Variants in TM4SF4 observed in about 807,000 individuals in gnomAD.
TM4SF4 encodes transmembrane 4 L6 family member 4.
Under a neutral mutation model 24.1 loss-of-function variants are expected in TM4SF4, and 24 were observed. The observed-to-expected ratio is 1.00, with a 90% confidence interval of 0.72 to 1.40. The LOEUF (loss-of-function observed/expected upper bound fraction) is 1.40, where lower values mean the gene tolerates loss of function less well. Ranked by LOEUF, TM4SF4 falls within the 40% of genes most tolerant of loss-of-function variation. The pLI is 0.00. For missense variants in TM4SF4, 254 were observed against 254.2 expected (o/e 1.00, Z 0.01); for synonymous variants, 113 against 97.0 (o/e 1.17, Z -0.97).
intron 2 of TM4SF4, among the ~76,000 whole-genome samples, chr3:149,483,094 A>T (rs1419111880): frequency 3.3e-5 from 5 of 152,192 alleles, no homozygotes; most frequent in Admixed American, 3.3e-4. Context: ...CTGGACTTTC[A>T]TGAAGACAAC....
At chr3:149,476,405 G>A (rs570281545) in intron 2 of TM4SF4, among the ~76,000 whole-genome samples, 26 of 152,316 alleles carry the variant, frequency 1.7e-4, no homozygotes, top group African/African-American at 6.0e-4. Flanking sequence ...GAGGCCCAGC[G>A]CCTCTGGCTT....
rs542204809 is a variant in TM4SF4, at chr3:149,498,742, C to A, written c.422C>A (p.Ala141Asp). The part of the protein sequence containing the change: ...FHDGDYLNDE[A>D]LWNKCREPLN... ...AACAGGGATTATCTCAATGATGAGGCCTTATGGAACAAGTGCCGAGAGCCT... is the reference window on the plus strand; with the variant it reads ...AACAGGGATTATCTCAATGATGAGGACTTATGGAACAAGTGCCGAGAGCCT... Residue 141 changes from alanine to aspartate, a missense_variant, in exon 4 of 5, where the codon GCC becomes GAC. Transcript: ENST00000305354. The A allele has an allele frequency of 1.2e-6, 2 of 1,613,794 alleles. No homozygotes were observed. Among genetic ancestry groups the A allele is most frequent in the African/African-American group, 2.7e-5 (2 of 74,914 alleles).
intron 2 of TM4SF4, among the ~76,000 whole-genome samples, chr3:149,477,054 C>G (rs1733945475): frequency 6.6e-6 from 1 of 152,028 alleles, no homozygotes; most frequent in Non-Finnish European, 1.5e-5. Flanking sequence ...CCCACCTGAG[C>G]CTCCCAAAGT....
intron 3 of TM4SF4, among the ~76,000 whole-genome samples, chr3:149,496,165 C>T (rs930137400): frequency 6.7e-6 from 1 of 149,862 alleles, no homozygotes; most frequent in Non-Finnish European, 1.5e-5. Context: ...GTTTTGTTGA[C>T]CATTTGGGAT....
rs187484925 is a variant in TM4SF4, at chr3:149,480,227, G to A, written c.264+4315G>A. ...GCTTCTTGGCAGCATGTCGGTGGCT[G>A]GTCAGCATCTCTTGCCCTCTAATCC... On this transcript the variant is annotated intron_variant, in intron 2 of 4. Coordinates refer to ENST00000305354, the MANE Select transcript of TM4SF4 (RefSeq NM_004617.4). Among the ~76,000 whole-genome samples, 12 of 152,260 alleles carry A rather than the reference G, an allele frequency of 7.9e-5. No homozygotes were observed. The East Asian group carries it at 2.3e-3, about 29-fold the overall frequency.
intron 2 of TM4SF4, among the ~76,000 whole-genome samples, chr3:149,487,233 C>T (rs953511327): frequency 1.3e-5 from 2 of 151,978 alleles, no homozygotes; most frequent in Non-Finnish European, 1.5e-5. Context: ...CCAGACTGAG[C>T]GACAAGGGTG....
intron 3 of TM4SF4, among the ~76,000 whole-genome samples, chr3:149,488,091 A>G (rs772305705): frequency 2.0e-5 from 3 of 152,232 alleles, no homozygotes; most frequent in Non-Finnish European, 2.9e-5. Flanking sequence ...AAACAGAGTA[A>G]TAGTTTTCAT....
At chr3:149,479,058 C>T (rs763317573) in intron 2 of TM4SF4, among the ~76,000 whole-genome samples, 22 of 152,300 alleles carry the variant, frequency 1.4e-4, no homozygotes, top group Non-Finnish European at 2.5e-4. Context: ...TGAGCCACTG[C>T]GCCTGGCCGA....
At chr3:149,498,698 C>T (rs1734359138) in intron 3 of TM4SF4, 24 bp from the exon 4 acceptor site, 2 of 1,607,196 alleles carry the variant, frequency 1.2e-6, no homozygotes, top group East Asian at 2.2e-5. Context: ...CAAATGTTTC[C>T]TTTGTCCCCT....
rs1372080030 is a variant in TM4SF4 at position 149,498,789 on chromosome 3, C to A, written c.469C>A (p.Leu157Met). ...GCCTCTCAATGTGGTTCCCTGGAAT[C>A]TGACCCTCTTCTCCATCCTGCTGGT... The part of the protein sequence containing the change: ...REPLNVVPWN[L>M]TLFSILLVVG... The change falls in exon 4 of 5, where the codon CTG becomes ATG. Residue 157 changes from leucine (L) to methionine (M), a missense_variant. Coordinates refer to ENST00000305354, the MANE Select transcript of TM4SF4 (RefSeq NM_004617.4). 2 of 1,613,890 alleles carry A rather than the reference C, an allele frequency of 1.2e-6. No homozygotes were observed. Among genetic ancestry groups the A allele is most frequent in the African/African-American group, 2.7e-5 (2 of 74,946 alleles).
At chr3:149,490,582 A>G (rs1373778047) in intron 3 of TM4SF4, among the ~76,000 whole-genome samples, 1 of 152,150 alleles carries the variant, frequency 6.6e-6, no homozygotes, top group East Asian at 1.9e-4. Context: ...CTTTTTCTAG[A>G]ACACAGTTTA....
chr3:149,499,511 G>T (rs1734376528), intron 4 of TM4SF4, among the ~76,000 whole-genome samples: 1 of 152,080 alleles, frequency 6.6e-6, no homozygotes, highest in Admixed American at 6.6e-5. Flanking sequence ...AAGACAGTCT[G>T]ATTATTTCAA....
chr3:149,478,422 G>T (rs111581619), intron 2 of TM4SF4, among the ~76,000 whole-genome samples: 1,876 of 152,200 alleles, frequency 0.012, 36 homozygotes, highest in African/African-American at 0.043. Context: ...TGGCATTACA[G>T]TCATGAGCCA....
intron 4 of TM4SF4, 23 bp from the exon 5 acceptor site, chr3:149,502,653 A>C: frequency 6.3e-7 from 1 of 1,583,592 alleles, no homozygotes; most frequent in South Asian, 1.1e-5. Flanking sequence ...CATCATAGTT[A>C]ATTCACCTTT....
chr3:149,492,978 T>C (rs2107873478), intron 3 of TM4SF4, among the ~76,000 whole-genome samples: 1 of 152,288 alleles, frequency 6.6e-6, no homozygotes, highest in East Asian at 1.9e-4. Context: ...ACCTCTGCCA[T>C]ATACCATTTA....
chr3:149,475,047 T>C lies in TM4SF4; in HGVS notation c.170T>C (p.Val57Ala). 6.3e-7 allele frequency: 1 copy of C among 1,592,062 alleles called. No homozygotes were observed. The highest frequency in any genetic ancestry group is 2.2e-5 in the East Asian group (1 of 44,850). The change falls in exon 1 of 5, where the codon GTC (valine) becomes GCC (alanine). Residue 57 changes from valine (V) to alanine (A), a missense_variant. Transcript: ENST00000305354. Reference protein sequence around the residue: ...WFFGGILGSGVLMIFPALVFL... With the variant: ...WFFGGILGSGALMIFPALVFL... ...TTCGGAGGAATATTAGGAAGCGGTG[T>C]CTTGGTGAGTAGGGAAGCTTAAAAT...
chr3:149,486,341 C>T (rs1321021885), intron 2 of TM4SF4, among the ~76,000 whole-genome samples: 1 of 152,202 alleles, frequency 6.6e-6, no homozygotes, highest in Non-Finnish European at 1.5e-5. Flanking sequence ...AAAGTCATTA[C>T]ACAGAGAAGA....
chr3:149,500,091 C>G (rs767857055), intron 4 of TM4SF4, among the ~76,000 whole-genome samples: 4 of 152,036 alleles, frequency 2.6e-5, no homozygotes, highest in Non-Finnish European at 5.9e-5. Context: ...CACAGTATCT[C>G]TTTTTATTAT....
intron 2 of TM4SF4, among the ~76,000 whole-genome samples, chr3:149,476,193 C>G (rs1733926084): frequency 6.6e-6 from 1 of 152,222 alleles, no homozygotes; most frequent in East Asian, 1.9e-4. Flanking sequence ...ATACAGAATG[C>G]AAGCCTGGAA....
Sources: allele counts gnomAD v4.1 joint callset (sites outside exome capture counted in the v4.1 genomes callset), GRCh38; gene constraint gnomAD v4.1.1; transcripts MANE v1.5; gene names NCBI Gene and HGNC (gene_info 2026-07-23, HGNC 2026-07-21).